The following UGT2B11 variants were observed in gnomAD, a reference collection of about 807,000 sequenced individuals.
UGT2B11 encodes UDP-glucuronosyltransferase 2B11.
Under a neutral mutation model 51.7 loss-of-function variants are expected in UGT2B11, and 49 were observed. The observed-to-expected ratio is 0.95, with a 90% confidence interval of 0.75 to 1.20. UGT2B11 has a LOEUF of 1.20. Among genes scored for constraint, UGT2B11 ranks in the 50% most tolerant of loss-of-function variants. The pLI is 0.00. For synonymous variants in UGT2B11, 273 were observed against 209.0 expected, an observed-to-expected ratio of 1.31 and a Z score of -2.64; for missense variants, 810 against 622.1, an observed-to-expected ratio of 1.30 and a Z score of -3.21.
At chr4:69,212,789 A>G (rs62298956) in intron 1 of UGT2B11, 68 bp from the exon 2 acceptor site, 249,322 of 1,522,864 alleles carry the variant, frequency 0.16, 23,732 homozygotes, top group African/African-American at 0.35. Context: ...TTTCTGAAAA[A>G]GGTTAGAACA....
At chr4:69,217,861 G>C (rs901284274), upstream of UGT2B11, among the ~76,000 whole-genome samples, 21 of 152,014 alleles carry the variant, frequency 1.4e-4, no homozygotes, top group Non-Finnish European at 2.8e-4. Flanking sequence ...CAAGATGCTG[G>C]TATTGGGCAT....
chr4:69,218,063 G>C (rs72501237), upstream of UGT2B11, among the ~76,000 whole-genome samples: 7,255 of 152,106 alleles, frequency 0.048, 210 homozygotes, highest in South Asian at 0.12. Flanking sequence ...TTAATCTTTG[G>C]AGCACTCAAA....
At chr4:69,223,939 C>G in the UGT2B11 span, among the ~76,000 whole-genome samples, 3 of 152,172 alleles carry the variant, frequency 2.0e-5, no homozygotes, top group Admixed American at 2.0e-4. Flanking sequence ...GAAAGTCTAT[C>G]TGGGGAGCAA....
intron 2 of UGT2B11, among the ~76,000 whole-genome samples, chr4:69,212,292 A>G (rs1052784168): frequency 2.0e-5 from 3 of 151,630 alleles, no homozygotes; most frequent in African/African-American, 7.2e-5. Context: ...TATTTGAATG[A>G]ATGACCAATA....
At chr4:69,205,746 A>G (rs1721830699) in intron 3 of UGT2B11, 179 bp from the exon 4 acceptor site, 2 of 684,518 alleles carry the variant, frequency 2.9e-6, no homozygotes, top group Admixed American at 3.9e-5. Context: ...ATTTAGATAT[A>G]TAAGAAACCA....
At chr4:69,217,296 G>T (rs962296958), upstream of UGT2B11, among the ~76,000 whole-genome samples, 1 of 152,094 alleles carries the variant, frequency 6.6e-6, no homozygotes, top group Non-Finnish European at 1.5e-5. Context: ...AGGAAAAGAT[G>T]CATGTCACAA....
At chr4:69,218,236 T>C (rs1722324894), upstream of UGT2B11, among the ~76,000 whole-genome samples, 1 of 152,180 alleles carries the variant, frequency 6.6e-6, no homozygotes, top group South Asian at 2.1e-4. Flanking sequence ...CATTTGATAA[T>C]ATGTACCAAG....
chr4:69,212,920 T>C (rs1722129323), intron 1 of UGT2B11, among the ~76,000 whole-genome samples, 199 bp from the exon 2 acceptor site: 1 of 151,156 alleles, frequency 6.6e-6, no homozygotes, highest in Non-Finnish European at 1.5e-5. Flanking sequence ...GGCAAAGTGG[T>C]GGGAGAATTA....
rs768708260 is a variant in UGT2B11 at position 69,204,684 on chromosome 4, A to C, written c.1091-35T>G. On this transcript the variant is annotated intron_variant, in intron 4 of 5. Transcript: ENST00000446444. ...GATGAATTTTAGCAAAATTATTCATAGGAATAAAATGAGATGCACAATGAA... is the reference window on the plus strand; with the variant it reads ...GATGAATTTTAGCAAAATTATTCATCGGAATAAAATGAGATGCACAATGAA... The C allele has an allele frequency of 5.0e-6, 8 of 1,609,912 alleles. No homozygotes were observed. The South Asian group carries it at 8.8e-5, about 18-fold the overall frequency.
At chr4:69,206,449 A>G (rs565710234) in intron 3 of UGT2B11, among the ~76,000 whole-genome samples, 15 of 151,714 alleles carry the variant, frequency 9.9e-5, no homozygotes, top group Admixed American at 8.6e-4. Flanking sequence ...CATAGATGGC[A>G]ACAACATACA....
chr4:69,215,824 T>A (rs188956144), upstream of UGT2B11: 1 of 151,880 alleles, frequency 6.6e-6, no homozygotes, highest in Non-Finnish European at 1.5e-5. Flanking sequence ...TTTTAATTTA[T>A]AAACACACTC....
At chr4:69,205,438 G>T (rs1721814760) in intron 4 of UGT2B11, 42 bp downstream of exon 4, 1 of 1,588,134 alleles carries the variant, frequency 6.3e-7, no homozygotes, top group South Asian at 1.1e-5. Context: ...CCTCTAATGT[G>T]CAGTTACTAA....
chr4:69,205,661 A>G lies in UGT2B11; in HGVS notation c.1003-94T>C. On this transcript the variant is annotated intron_variant, in intron 3 of 5. Coordinates refer to ENST00000446444, the MANE Select transcript of UGT2B11 (RefSeq NM_001073.3). The stretch of plus-strand genomic sequence containing the variant: ...GAAAGCATAGGAATGAGATCAAGGG[A>G]TGTTAGTAAATAAATCTACTCAAAG... 3 of 1,332,554 alleles carry G rather than the reference A, an allele frequency of 2.3e-6. No homozygotes were observed. The South Asian group carries it at 4.1e-5, about 18-fold the overall frequency. 82.5% of individuals were successfully genotyped at this position (1,332,554 alleles called of 1,614,324 possible). A position where few individuals can be genotyped will look rare whatever the true frequency, so the allele number is the denominator to read the frequency against.
intron 2 of UGT2B11, among the ~76,000 whole-genome samples, chr4:69,210,144 A>G (rs1188934079): frequency 6.6e-6 from 1 of 151,578 alleles, no homozygotes; most frequent in Non-Finnish European, 1.5e-5. Context: ...CTTTATTTGT[A>G]CTATGGCTGA....
upstream of UGT2B11, chr4:69,215,629 G>T (rs1458559870): frequency 2.0e-5 from 3 of 151,954 alleles, no homozygotes; most frequent in Non-Finnish European, 1.5e-5. Flanking sequence ...TTTTCTTGGG[G>T]ATATGCCTAG....
At chr4:69,220,675 G>A in the UGT2B11 span, among the ~76,000 whole-genome samples, 1,465 of 151,424 alleles carry the variant, frequency 9.7e-3, 11 homozygotes, top group Non-Finnish European at 0.012. Flanking sequence ...GGTATCCATT[G>A]GTTAAACATA....
intron 1 of UGT2B11, 24 bp downstream of exon 1, chr4:69,213,978 G>A (rs377174667): frequency 1.5e-5 from 23 of 1,533,832 alleles, no homozygotes; most frequent in African/African-American, 1.4e-4. Flanking sequence ...AGATCTTCAC[G>A]TTACCGATTA....
Position 69,200,490 on chromosome 4 carries a change from A to G in UGT2B11, c.1540T>C (p.Phe514Leu). The G allele has an allele frequency of 6.2e-7, 1 of 1,612,020 alleles. No homozygotes were observed. The change falls in exon 6 of 6, where the codon TTT becomes CTT. Residue 514 changes from phenylalanine (F) to leucine (L), a missense_variant. By Grantham distance (22) the Phe-to-Leu change is conservative (BLOSUM62 0). Coordinates refer to ENST00000446444, the MANE Select transcript of UGT2B11 (RefSeq NM_001073.3). ...VIFIITKFCL[F>L]CFWKFARKGK... The stretch of plus-strand genomic sequence containing the variant: ...TTTCTAGCAAACTTCCAGAAACAAA[A>G]CAGACAAAACTTTGTGATGATAAAT...
upstream of UGT2B11, chr4:69,215,510 T>G (rs1037975275): frequency 4.5e-4 from 68 of 152,176 alleles, no homozygotes; most frequent in African/African-American, 1.5e-3. Flanking sequence ...TAAACACAAT[T>G]TATTTATTCA....
Sources: allele counts gnomAD v4.1 joint callset (sites outside exome capture counted in the v4.1 genomes callset), GRCh38; gene constraint gnomAD v4.1.1; transcripts MANE v1.5; gene names NCBI Gene and HGNC (gene_info 2026-07-23, HGNC 2026-07-21).